HIRA: variants seen among roughly 807,000 people sequenced by gnomAD.
The protein encoded by HIRA is histone cell cycle regulator.
Under a neutral mutation model 126.6 loss-of-function variants are expected in HIRA, and 13 were observed. The ratio of observed to expected loss-of-function variants is 0.10; its 90% CI spans 0.07 to 0.16. The LOEUF (loss-of-function observed/expected upper bound fraction) is 0.16, where lower values mean the gene tolerates loss of function less well. HIRA is among the 10% of genes least tolerant of loss of function. The pLI, the probability that HIRA is intolerant of heterozygous loss-of-function variation, is 1.00. For missense variants in HIRA, 834 were observed against 1,314.4 expected (o/e 0.63, Z 5.65); for synonymous variants, 511 against 520.0 (o/e 0.98, Z 0.24).
At chr22:19,415,825 T>C (rs1432508083) in intron 1 of HIRA, among the ~76,000 whole-genome samples, 1 of 152,144 alleles carries the variant, frequency 6.6e-6, no homozygotes, top group Non-Finnish European at 1.5e-5. Context: ...AAAAGTGATT[T>C]GTAGGCTTAA....
Position 19,335,120 on chromosome 22 carries a change from A to C in HIRA, c.2938-3564T>G, listed in dbSNP as rs533896996. 8.5e-5 allele frequency among the ~76,000 whole-genome samples: 13 copies of C among 152,302 alleles called. No individual in the cohort carries two copies. The East Asian group carries it at 1.5e-3, about 18-fold the overall frequency. ...TTTGCATAATGTGTAAAAATCTTTT[A>C]ATGGTATACTTTCATATCCCCACTC... On this transcript the variant is annotated intron_variant, in intron 24 of 24. Transcript: ENST00000263208.
chr22:19,418,281 A>C (rs146490068), intron 1 of HIRA, among the ~76,000 whole-genome samples: 1 of 152,142 alleles, frequency 6.6e-6, no homozygotes, highest in Non-Finnish European at 1.5e-5. Flanking sequence ...ACAAAACCAA[A>C]AATAAAAATA....
At chr22:19,382,763 TTTTC>T (rs202200624) in intron 13 of HIRA, among the ~76,000 whole-genome samples, 9 of 142,998 alleles carry the variant, frequency 6.3e-5, no homozygotes, top group South Asian at 2.2e-4. Context: ...GCTTTATCAT[TTTTC>T]TTTCTTTTTT....
At chr22:19,392,077 A>G (rs1295519630) in intron 9 of HIRA, 24 bp downstream of exon 9, 1 of 1,443,408 alleles carries the variant, frequency 6.9e-7, no homozygotes, top group East Asian at 2.3e-5. Context: ...GTCCTGCAAC[A>G]AAAGCTCAGG....
At chr22:19,357,413 TG>T (rs2088823127) in intron 18 of HIRA, among the ~76,000 whole-genome samples, 1 of 152,230 alleles carries the variant, frequency 6.6e-6, no homozygotes, top group Non-Finnish European at 1.5e-5. Context: ...GACAGTCTCC[TG>T]GCTGCAACTA....
At position 19,388,617 on chromosome 22, in the gene HIRA, A is replaced by G. The variant is rs8137479; in HGVS notation, c.937-63T>C. 1.7e-4 allele frequency: 236 copies of G among 1,349,976 alleles called. 1 individual carries two copies. In the African/African-American group the frequency reaches 3.1e-3, roughly 18 times the overall value. 83.6% of individuals were successfully genotyped at this position (1,349,976 alleles called of 1,614,324 possible). ...TGAAATCCCCTTCTGTATTCAGCTC[A>G]GTTAACATAACCAACCTAGAAGCCT... On this transcript the variant is annotated intron_variant, in intron 9 of 24. Coordinates refer to ENST00000263208, the MANE Select transcript of HIRA (RefSeq NM_003325.4).
At chr22:19,419,063 G>T (rs1453554287) in intron 1 of HIRA, among the ~76,000 whole-genome samples, 1 of 152,162 alleles carries the variant, frequency 6.6e-6, no homozygotes, top group Non-Finnish European at 1.5e-5. Flanking sequence ...TTCTTTTCAT[G>T]TGCAGGTGAC....
rs557578081 is a variant in HIRA at position 19,359,033 on chromosome 22, C to T, written c.2234+303G>A. On this transcript the variant is annotated intron_variant, in intron 18 of 24. Transcript: ENST00000263208. Reference sequence around the variant, plus strand: ...GCCAGGCACACCTCAGTGTGGAATTCGAGACTTTGGGGATCTGGCTGGACA... The same window carrying T: ...GCCAGGCACACCTCAGTGTGGAATTTGAGACTTTGGGGATCTGGCTGGACA... Among the ~76,000 whole-genome samples the T allele has an allele frequency of 1.6e-4, 24 of 152,288 alleles. No individual in the cohort carries two copies. In the South Asian group the frequency reaches 3.3e-3, roughly 21 times the overall value.
chr22:19,362,103 A>C (rs527869863), intron 15 of HIRA, among the ~76,000 whole-genome samples, 172 bp from the exon 16 acceptor site: 1 of 152,366 alleles, frequency 6.6e-6, no homozygotes, highest in South Asian at 2.1e-4. Flanking sequence ...GACAAAAATA[A>C]ACAAAGAGAC....
At chr22:19,366,353 C>G (rs2088913215) in intron 15 of HIRA, among the ~76,000 whole-genome samples, 1 of 152,204 alleles carries the variant, frequency 6.6e-6, no homozygotes, top group Non-Finnish European at 1.5e-5. Context: ...CAGAGCGAGA[C>G]TCCGTCTCAA....
At chr22:19,416,383 G>T (rs978222330) in intron 1 of HIRA, among the ~76,000 whole-genome samples, 1 of 151,932 alleles carries the variant, frequency 6.6e-6, no homozygotes, top group East Asian at 1.9e-4. Context: ...GAGTGCAGTG[G>T]TATGATCTTG....
intron 12 of HIRA, among the ~76,000 whole-genome samples, chr22:19,384,720 T>G (rs2089109334): frequency 6.6e-6 from 1 of 151,680 alleles, no homozygotes; most frequent in African/African-American, 2.4e-5. Flanking sequence ...AGTGGCGCAG[T>G]CTCGGCACAC....
At chr22:19,413,716 A>G (rs1212771363) in intron 1 of HIRA, among the ~76,000 whole-genome samples, 1 of 151,952 alleles carries the variant, frequency 6.6e-6, no homozygotes, top group Non-Finnish European at 1.5e-5. Flanking sequence ...GGTTCACGCC[A>G]TTCTCCTGCC....
rs782043349 is a variant in HIRA, at chr22:19,331,285, G to T, written c.*155C>A. ...CAGACCCAGGACACAGGGCACATCT[G>T]CCCAGGGAGCTGGGCTGGCGCTGGT... On this transcript the variant is annotated 3_prime_UTR_variant, in exon 25 of 25. Transcript: ENST00000263208. 6.4e-7 allele frequency: 1 copy of T among 1,565,100 alleles called. No homozygotes were observed. The highest frequency in any genetic ancestry group is 1.1e-5 in the South Asian group (1 of 87,652).
At chr22:19,355,323 G>A (rs1347966181) in intron 21 of HIRA, among the ~76,000 whole-genome samples, 1 of 152,154 alleles carries the variant, frequency 6.6e-6, no homozygotes, top group Non-Finnish European at 1.5e-5. Context: ...CAGAGGAAAA[G>A]TACAGACCAT....
chr22:19,387,207 GC>G (rs1193472652), intron 11 of HIRA, among the ~76,000 whole-genome samples: 3 of 152,238 alleles, frequency 2.0e-5, no homozygotes, highest in Non-Finnish European at 4.4e-5. Flanking sequence ...TACAGTCTGG[GC>G]AAAGAGCCAT....
intron 2 of HIRA, 25 bp downstream of exon 2, chr22:19,410,691 C>A: frequency 6.3e-7 from 1 of 1,587,306 alleles, no homozygotes; most frequent in South Asian, 1.1e-5. Context: ...GTTAAGCTTT[C>A]CCTTTCTTTA....
chr22:19,411,258 C>T (rs183666677), intron 1 of HIRA, among the ~76,000 whole-genome samples: 46 of 152,350 alleles, frequency 3.0e-4, no homozygotes, highest in African/African-American at 9.6e-4. Flanking sequence ...AGTTCCCATA[C>T]CGTCTGCCAT....
intron 24 of HIRA, among the ~76,000 whole-genome samples, chr22:19,336,680 A>T (rs2088570452): frequency 6.6e-6 from 1 of 152,214 alleles, no homozygotes; most frequent in Non-Finnish European, 1.5e-5. Flanking sequence ...TGGTATCCAC[A>T]GCTGGGAGAT....
Sources: allele counts gnomAD v4.1 joint callset (sites outside exome capture counted in the v4.1 genomes callset), GRCh38; gene constraint gnomAD v4.1.1; transcripts MANE v1.5; gene names NCBI Gene and HGNC (gene_info 2026-07-23, HGNC 2026-07-21).